The following MACROD2 variants were observed in gnomAD, a reference collection of about 807,000 sequenced individuals.
MACROD2 encodes ADP-ribose glycohydrolase MACROD2.
A neutral mutation model predicts 70.4 loss-of-function variants in MACROD2; 36 were observed. The observed-to-expected ratio is 0.51, with a 90% confidence interval of 0.39 to 0.68. MACROD2 has a LOEUF of 0.68. MACROD2 is among the 30% of genes least tolerant of loss of function. MACROD2 has a pLI of 0.00. For synonymous variants in MACROD2, 172 were observed against 178.8 expected (o/e 0.96, Z 0.30); for missense variants, 496 against 538.4 (o/e 0.92, Z 0.78).
At chr20:15,975,788 T>C (rs1333300680) in intron 13 of MACROD2, among the ~76,000 whole-genome samples, 4 of 152,176 alleles carry the variant, frequency 2.6e-5, no homozygotes, top group Non-Finnish European at 1.5e-5. Flanking sequence ...CATAAGGAAA[T>C]TGCATTTCTT....
chr20:14,076,090 T>G (rs1569147702), intron 2 of MACROD2, among the ~76,000 whole-genome samples: 1 of 152,232 alleles, frequency 6.6e-6, no homozygotes, highest in Non-Finnish European at 1.5e-5. Context: ...AAAACTATAT[T>G]ACTTTGTTTA....
chr20:15,443,222 T>C (rs979322402), intron 7 of MACROD2, among the ~76,000 whole-genome samples: 4 of 152,116 alleles, frequency 2.6e-5, no homozygotes, highest in African/African-American at 9.7e-5. Context: ...TGAGCAGATA[T>C]GGATTTACAT....
At chr20:14,952,526 A>G (rs1428052630) in intron 5 of MACROD2, among the ~76,000 whole-genome samples, 1 of 152,128 alleles carries the variant, frequency 6.6e-6, no homozygotes, top group Non-Finnish European at 1.5e-5. Context: ...CAACTTATTA[A>G]TATTTAAGTA....
chr20:15,308,192 T>A (rs1475147156), intron 6 of MACROD2, among the ~76,000 whole-genome samples: 1 of 152,186 alleles, frequency 6.6e-6, no homozygotes, highest in African/African-American at 2.4e-5. Context: ...TGTGGAGACA[T>A]AATGTAAATA....
chr20:15,871,905 A>G (rs1484101800), intron 9 of MACROD2, among the ~76,000 whole-genome samples: 2 of 152,210 alleles, frequency 1.3e-5, no homozygotes, highest in East Asian at 1.9e-4. Flanking sequence ...GATTAACTCA[A>G]TTCACGACTT....
At chr20:15,179,255 C>T (rs546071742) in intron 5 of MACROD2, among the ~76,000 whole-genome samples, 1 of 152,194 alleles carries the variant, frequency 6.6e-6, no homozygotes, top group African/African-American at 2.4e-5. Flanking sequence ...AATTTGTGCA[C>T]TTTACCTCAT....
At chr20:15,082,304 G>A (rs383310) in intron 5 of MACROD2, among the ~76,000 whole-genome samples, 130,164 of 152,174 alleles carry the variant, frequency 0.86, 56,132 homozygotes, top group African/African-American at 0.96. Flanking sequence ...AGATCATTAA[G>A]AAACAAACAA....
At chr20:15,520,247 G>A (rs960627433) in intron 8 of MACROD2, among the ~76,000 whole-genome samples, 6 of 152,184 alleles carry the variant, frequency 3.9e-5, no homozygotes, top group African/African-American at 1.4e-4. Flanking sequence ...CACTGGGAAA[G>A]GACTAAATAA....
At chr20:15,774,458 C>T (rs6043534) in intron 8 of MACROD2, among the ~76,000 whole-genome samples, 21,646 of 152,080 alleles carry the variant, frequency 0.14, 1,654 homozygotes, top group Middle Eastern at 0.29. Context: ...GGCTGTCCCT[C>T]GGAGGATCCA....
At chr20:15,683,062 C>T (rs2146861759) in intron 8 of MACROD2, among the ~76,000 whole-genome samples, 1 of 152,200 alleles carries the variant, frequency 6.6e-6, no homozygotes, top group Non-Finnish European at 1.5e-5. Flanking sequence ...CAATTTTCGC[C>T]AAATATTTTA....
chr20:15,974,602 T>TACATTGTACATACATTATA (rs2066278074), intron 13 of MACROD2, among the ~76,000 whole-genome samples: 3 of 152,114 alleles, frequency 2.0e-5, no homozygotes, highest in African/African-American at 7.2e-5. Context: ...TAGATACATT[T>TACATTGTACATACATTATA]CATTATACAT....
At chr20:15,102,221 A>T (rs1601077567) in intron 5 of MACROD2, among the ~76,000 whole-genome samples, 1 of 152,038 alleles carries the variant, frequency 6.6e-6, no homozygotes, top group Non-Finnish European at 1.5e-5. Context: ...AAAACGTTCG[A>T]TCTCATTAAT....
In MACROD2 at chr20:14,345,650, G is replaced by A. The variant is rs577456675; in HGVS notation, c.272-147829G>A. 5.6e-4 allele frequency among the ~76,000 whole-genome samples: 85 copies of A among 151,848 alleles called. 1 individual carries two copies. The South Asian group carries it at 0.016, about 29-fold the overall frequency. On this transcript the variant is annotated intron_variant, in intron 3 of 17. Coordinates refer to ENST00000684519, the MANE Select transcript of MACROD2 (RefSeq NM_001351661.2). ...TTGCCATATTGGCCAGGCTGGTCTCGAACTCCTGACGTCAGGTGATCTGCC... is the reference window on the plus strand; with the variant it reads ...TTGCCATATTGGCCAGGCTGGTCTCAAACTCCTGACGTCAGGTGATCTGCC...
At chr20:15,279,529 G>T (rs1386262003) in intron 6 of MACROD2, among the ~76,000 whole-genome samples, 1 of 152,182 alleles carries the variant, frequency 6.6e-6, no homozygotes, top group Non-Finnish European at 1.5e-5. Context: ...CAAGACAGCA[G>T]TGTTTTTCAA....
At chr20:14,321,170 G>T (rs2082656664) in intron 3 of MACROD2, among the ~76,000 whole-genome samples, 2 of 152,020 alleles carry the variant, frequency 1.3e-5, no homozygotes, top group African/African-American at 2.4e-5. Flanking sequence ...TTGGAGACCA[G>T]CCTGGCCAAC....
chr20:14,523,240 T>G (rs1244159953), intron 4 of MACROD2, among the ~76,000 whole-genome samples: 2 of 152,174 alleles, frequency 1.3e-5, no homozygotes, highest in African/African-American at 4.8e-5. Flanking sequence ...GATGGCTTGC[T>G]TTCTCCTCCA....
intron 15 of MACROD2, among the ~76,000 whole-genome samples, chr20:16,034,614 T>G (rs2147592415): frequency 6.6e-6 from 1 of 152,122 alleles, no homozygotes; most frequent in Admixed American, 6.6e-5. Context: ...AGTTTATTTT[T>G]TGTTTGTTTG....
In MACROD2 at chr20:15,257,992, T is replaced by C. The variant is rs147019236; in HGVS notation, c.540+27931T>C. ...GATGATCCTGACTTCTGTGTAGGCC[T>C]AGGCTAATGTGTGAGTTTGTGTCTT... On this transcript the variant is annotated intron_variant, in intron 6 of 17. Coordinates refer to ENST00000684519, the MANE Select transcript of MACROD2 (RefSeq NM_001351661.2). Among the ~76,000 whole-genome samples, 286 of 151,956 alleles carry C rather than the reference T, an allele frequency of 1.9e-3. 1 individual carries two copies. Among genetic ancestry groups the C allele is most frequent in the African/African-American group, 6.5e-3 (270 of 41,484 alleles).
chr20:15,857,025 C>A (rs1262649226), intron 8 of MACROD2, among the ~76,000 whole-genome samples: 1 of 152,146 alleles, frequency 6.6e-6, no homozygotes. Context: ...ATAATATTCA[C>A]TGAAATGATA....
Sources: gnomAD v4.1 joint callset for allele counts (sites outside exome capture counted in the v4.1 genomes callset) on GRCh38, gnomAD v4.1.1 for gene constraint, MANE v1.5 for transcripts, NCBI Gene and HGNC (gene_info 2026-07-23, HGNC 2026-07-21) for gene names.